PCDHGB1: variants seen among roughly 807,000 people sequenced by gnomAD.
PCDHGB1 encodes the protein protocadherin gamma subfamily B, 1.
Under a neutral mutation model 56.6 loss-of-function variants are expected in PCDHGB1, and 34 were observed. The observed-to-expected ratio is 0.60, with a 90% CI of 0.46 to 0.80. PCDHGB1 has a LOEUF of 0.80. PCDHGB1 is among the 30% of genes least tolerant of loss of function. The probability of loss-of-function intolerance (pLI) is 0.00; values close to 1 mark genes in which losing one functional copy is unlikely to be tolerated. For synonymous variants in PCDHGB1, 561 were observed against 505.9 expected (o/e 1.11, Z -1.46); for missense variants, 1,278 against 1,204.6 (o/e 1.06, Z -0.90).
At chr5:141,359,955 C>A in intron 1 of PCDHGB1, 1 of 566,746 alleles carries the variant, frequency 1.8e-6, no homozygotes, top group Non-Finnish European at 2.8e-6. Flanking sequence ...GTCAAAAGAA[C>A]GAAGAGAAGC....
At chr5:141,438,621 T>C (rs1164140266) in intron 1 of PCDHGB1, among the ~76,000 whole-genome samples, 4 of 41,368 alleles carry the variant, frequency 9.7e-5, no homozygotes, top group Admixed American at 3.5e-4. Flanking sequence ...TATATATATA[T>C]ATATATATAT....
rs1464961193 is a variant in PCDHGB1 at position 141,432,346 on chromosome 5, A to G, written c.2410-62461A>G. The G allele has an allele frequency of 6.2e-7, 1 of 1,614,192 alleles. No homozygotes were observed. Among genetic ancestry groups the G allele is most frequent in the African/African-American group, 1.3e-5 (1 of 75,054 alleles). On this transcript the variant is annotated intron_variant, in intron 1 of 3. Coordinates refer to ENST00000523390, the MANE Select transcript of PCDHGB1 (RefSeq NM_018922.3). This position sits in a 1 kb window ranked among gnomAD's most constrained non-coding sequence, Gnocchi z 6.0. ...ACTACGAGCAGTTCCGAGACTTGCA[A>G]GTGAAAGTGATGGCGCGGGACAACG...
intron 1 of PCDHGB1, chr5:141,394,616 C>T (rs2093043198): frequency 1.2e-6 from 2 of 1,613,490 alleles, no homozygotes; most frequent in East Asian, 2.2e-5. Flanking sequence ...CGGGCCAGAA[C>T]GCCTGGCTGT....
In PCDHGB1 at chr5:141,505,419, C is replaced by G. The variant is rs1303924776; in HGVS notation, c.2495C>G (p.Thr832Ser). 6 of 1,614,140 alleles carry G rather than the reference C, an allele frequency of 3.7e-6. No individual in the cohort carries two copies. The highest frequency in any genetic ancestry group is 4.2e-6 in the Non-Finnish European group (5 of 1,180,062). Residue 832 changes from threonine to serine, a missense_variant, in exon 3 of 4, where the codon ACC becomes AGC. Thr to Ser is a moderately conservative substitution (Grantham distance 58). Coordinates refer to ENST00000523390, the MANE Select transcript of PCDHGB1 (RefSeq NM_018922.3). ...SGSQNGDDTGTWPNNQFDTEM... is the reference protein window; with the variant it reads ...SGSQNGDDTGSWPNNQFDTEM... ...TCCCAAAATGGCGATGACACCGGCACCTGGCCCAACAACCAGTTTGACACA... is the reference window on the plus strand; with the variant it reads ...TCCCAAAATGGCGATGACACCGGCAGCTGGCCCAACAACCAGTTTGACACA...
chr5:141,408,377 C>T (rs1322642798), intron 1 of PCDHGB1: 4 of 1,613,902 alleles, frequency 2.5e-6, no homozygotes, highest in Non-Finnish European at 3.4e-6. Context: ...GCTCAGTGTC[C>T]TGGATGTGTC....
chr5:141,363,888 C>T (rs1763099413), intron 1 of PCDHGB1, among the ~76,000 whole-genome samples: 1 of 152,020 alleles, frequency 6.6e-6, no homozygotes, highest in South Asian at 2.1e-4. Flanking sequence ...ACATAGGCTC[C>T]CCCGATGACG....
intron 1 of PCDHGB1, among the ~76,000 whole-genome samples, chr5:141,402,570 C>G (rs947118867): frequency 1.3e-5 from 2 of 152,138 alleles, no homozygotes; most frequent in Admixed American, 1.3e-4. Flanking sequence ...TTATTTACAA[C>G]TCAGATATCT....
intron 1 of PCDHGB1, among the ~76,000 whole-genome samples, chr5:141,447,749 T>G (rs1462661604): frequency 6.6e-6 from 1 of 152,196 alleles, no homozygotes; most frequent in Non-Finnish European, 1.5e-5. Context: ...GAGTCTTGCA[T>G]GTGACTGTAT....
chr5:141,482,645 G>A (rs1267966412), intron 1 of PCDHGB1, among the ~76,000 whole-genome samples: 1 of 152,120 alleles, frequency 6.6e-6, no homozygotes, highest in Admixed American at 6.5e-5. Context: ...TAGAGGTGGT[G>A]ATGCTTGAGC....
intron 1 of PCDHGB1, chr5:141,372,263 G>C (rs373583904): frequency 3.1e-6 from 5 of 1,613,110 alleles, no homozygotes; most frequent in South Asian, 1.1e-5. Flanking sequence ...GCCTGCGCAC[G>C]GGTGAGGTGC....
At position 141,431,424 on chromosome 5, in the gene PCDHGB1, G is replaced by A; in HGVS notation, c.2410-63383G>A. The A allele has an allele frequency of 1.9e-6, 3 of 1,613,676 alleles. No individual in the cohort carries two copies. The highest frequency in any genetic ancestry group is 2.5e-6 in the Non-Finnish European group (3 of 1,180,028). On this transcript the variant is annotated intron_variant, in intron 1 of 3. Coordinates refer to ENST00000523390, the MANE Select transcript of PCDHGB1 (RefSeq NM_018922.3). The surrounding 1 kb of genome is among the most constrained non-coding windows in gnomAD (Gnocchi z 4.8). ...GCCTCCGACGGGGGCGACCCGGTGC[G>A]CACAGGCACCGCGCGCATCCGCGTG... is the stretch of plus-strand genomic sequence containing the variant.
intron 1 of PCDHGB1, chr5:141,400,170 G>T (rs779918187): frequency 6.2e-7 from 1 of 1,614,066 alleles, no homozygotes; most frequent in Admixed American, 1.7e-5. Flanking sequence ...CTGACCCCCA[G>T]GCTGAGCTGC....
chr5:141,408,133 T>A, intron 1 of PCDHGB1: 5 of 1,483,848 alleles, frequency 3.4e-6, no homozygotes, highest in Non-Finnish European at 4.5e-6. Context: ...GGCCGAATGC[T>A]CTTTTAGCGC....
intron 1 of PCDHGB1, chr5:141,374,557 T>C (rs1561563298): frequency 1.9e-6 from 3 of 1,613,702 alleles, no homozygotes. Flanking sequence ...TGGAGGTCTA[T>C]GACCCTGATG....
intron 1 of PCDHGB1, chr5:141,411,714 G>C (rs889829564): frequency 6.6e-6 from 1 of 152,420 alleles, no homozygotes; most frequent in Middle Eastern, 3.1e-3. Context: ...AGACTCCATC[G>C]CTACAGAACA....
chr5:141,390,199 G>A (rs753440941), intron 1 of PCDHGB1: 2 of 1,614,054 alleles, frequency 1.2e-6, no homozygotes, highest in South Asian at 2.2e-5. Context: ...GAGCAGTTGA[G>A]TTCAGGACAA....
chr5:141,374,061 G>T, intron 1 of PCDHGB1: 1 of 1,493,670 alleles, frequency 6.7e-7, no homozygotes, highest in Non-Finnish European at 8.9e-7. Flanking sequence ...CTTAATCCCA[G>T]AGAAGTTCCT....
chr5:141,476,551 C>A lies in PCDHGB1; in HGVS notation c.2410-18256C>A, dbSNP rs367700651. 6.2e-7 allele frequency: 1 copy of A among 1,614,196 alleles called. No individual in the cohort carries two copies. The highest frequency in any genetic ancestry group is 1.7e-5 in the Admixed American group (1 of 60,028). ...CCCAGGAAATGAAATTGGAGATTAG[C>A]GAGGCCGTGGCTCCGGGGACGCGCT... On this transcript the variant is annotated intron_variant, in intron 1 of 3. Transcript: ENST00000523390. This position sits in a 1 kb window ranked among gnomAD's most constrained non-coding sequence, Gnocchi z 7.6.
At chr5:141,427,396 A>G (rs1303085720) in intron 1 of PCDHGB1, 1 of 460,578 alleles carries the variant, frequency 2.2e-6, no homozygotes, top group Non-Finnish European at 4.4e-6. Context: ...AAAACACATG[A>G]TAAAGATTCG....
Sources: allele counts gnomAD v4.1 joint callset (sites outside exome capture counted in the v4.1 genomes callset), GRCh38; gene constraint gnomAD v4.1.1; non-coding constraint Gnocchi (gnomAD v3.1); transcripts MANE v1.5; gene names NCBI Gene and HGNC (gene_info 2026-07-23, HGNC 2026-07-21).